The following NCKAP5 variants were observed in gnomAD, a reference collection of about 807,000 sequenced individuals.
NCKAP5 encodes the protein nck-associated protein 5.
In NCKAP5, 92 loss-of-function variants were observed where a neutral mutation model predicts 167.0. The ratio of observed to expected loss-of-function variants is 0.55; its 90% CI spans 0.47 to 0.66. The LOEUF is 0.66. Ranked by LOEUF, NCKAP5 falls within the 30% of genes least tolerant of loss-of-function variation. The pLI is 0.00. For synonymous variants in NCKAP5, 891 were observed against 877.4 expected, an observed-to-expected ratio of 1.02 and a Z score of -0.27; for missense variants, 2,378 against 2,315.0, an observed-to-expected ratio of 1.03 and a Z score of -0.56.
At chr2:133,284,909 C>T (rs938516713) in intron 4 of NCKAP5, 2 of 152,210 alleles carry the variant, frequency 1.3e-5, no homozygotes, top group African/African-American at 4.8e-5. Flanking sequence ...AAAATCTCTT[C>T]TCACTGCATT....
At chr2:132,674,147 C>T (rs938416793) in intron 19 of NCKAP5, among the ~76,000 whole-genome samples, 1 of 152,186 alleles carries the variant, frequency 6.6e-6, no homozygotes, top group East Asian at 1.9e-4. Flanking sequence ...TACAATATTT[C>T]TCATCTTCTT....
chr2:133,034,598 C>A (rs1173952102), intron 6 of NCKAP5, among the ~76,000 whole-genome samples: 1 of 151,636 alleles, frequency 6.6e-6, no homozygotes, highest in South Asian at 2.1e-4. Context: ...TAAATAGAAA[C>A]AAAAAAATTA....
In NCKAP5 at chr2:133,201,833, C is replaced by A. The variant is rs994489417; in HGVS notation, c.207+11883G>T. Among the ~76,000 whole-genome samples the A allele has an allele frequency of 2.0e-5, 3 of 151,866 alleles. 1 individual carries two copies. The highest frequency in any genetic ancestry group is 4.2e-4 in the South Asian group (2 of 4,792). ...CCACAAGAGGAACTAGGAGATTCTG[C>A]GCTTAAGAAAGTTGAAGGAGAACTA... On this transcript the variant is annotated intron_variant, in intron 5 of 19. Transcript: ENST00000409261.
rs189740064 is a variant in NCKAP5 at position 133,352,118 on chromosome 2, C to T, written c.70-49008G>A. ...CGTCACCTCTCTCCTTCAGGTATTCCCTCAATGGAGACCCTGTCACCATCA... is the reference window on the plus strand; with the variant it reads ...CGTCACCTCTCTCCTTCAGGTATTCTCTCAATGGAGACCCTGTCACCATCA... On this transcript the variant is annotated intron_variant, in intron 3 of 19. Coordinates refer to ENST00000409261, the MANE Select transcript of NCKAP5 (RefSeq NM_207363.3). Among the ~76,000 whole-genome samples, 339 of 152,258 alleles carry T rather than the reference C, an allele frequency of 2.2e-3. 1 individual carries two copies. The highest frequency in any genetic ancestry group is 4.1e-3 in the Non-Finnish European group (280 of 68,024).
chr2:132,686,182 T>A (rs1439318749), intron 19 of NCKAP5, among the ~76,000 whole-genome samples: 2 of 152,070 alleles, frequency 1.3e-5, no homozygotes, highest in East Asian at 3.9e-4. Flanking sequence ...GGAGAAAAAG[T>A]CAGTAGCATG....
chr2:132,918,445 G>A (rs932398108), intron 8 of NCKAP5, among the ~76,000 whole-genome samples: 38 of 152,128 alleles, frequency 2.5e-4, no homozygotes, highest in Admixed American at 1.8e-3. Context: ...GACATAGATC[G>A]TAGGGTTTGT....
chr2:133,126,988 GA>G (rs1310225344), intron 6 of NCKAP5, among the ~76,000 whole-genome samples: 1 of 151,838 alleles, frequency 6.6e-6, no homozygotes, highest in African/African-American at 2.4e-5. Context: ...CTCAGCCCAT[GA>G]ACAATGTTCA....
At chr2:133,559,645 A>G (rs574218414) in intron 1 of NCKAP5, among the ~76,000 whole-genome samples, 1 of 152,166 alleles carries the variant, frequency 6.6e-6, no homozygotes, top group Non-Finnish European at 1.5e-5. Flanking sequence ...CATTTTATGG[A>G]TGGGGAAATC....
chr2:132,796,067 T>C (rs1684581252), intron 12 of NCKAP5, among the ~76,000 whole-genome samples: 1 of 152,162 alleles, frequency 6.6e-6, no homozygotes, highest in Admixed American at 6.5e-5. Context: ...AATTATTCAG[T>C]AAAATAAAAA....
intron 11 of NCKAP5, among the ~76,000 whole-genome samples, chr2:132,822,439 T>C (rs1686820174): frequency 6.6e-6 from 1 of 152,072 alleles, no homozygotes; most frequent in Non-Finnish European, 1.5e-5. Context: ...GCTGCATGGA[T>C]AGACCCAGAA....
intron 7 of NCKAP5, among the ~76,000 whole-genome samples, chr2:132,986,828 T>A: frequency 6.6e-6 from 1 of 152,096 alleles, no homozygotes. Flanking sequence ...CTGACAGCAA[T>A]AACTTAAGCA....
intron 3 of NCKAP5, among the ~76,000 whole-genome samples, chr2:133,356,513 GA>G (rs1684727463): frequency 6.6e-6 from 1 of 152,206 alleles, no homozygotes; most frequent in Admixed American, 6.5e-5. Flanking sequence ...GCATGATGTT[GA>G]AAACTGAACT....
chr2:133,429,406 A>T (rs1690015474), intron 3 of NCKAP5, among the ~76,000 whole-genome samples: 1 of 152,002 alleles, frequency 6.6e-6, no homozygotes, highest in African/African-American at 2.4e-5. Flanking sequence ...TATCACCCCA[A>T]TAGTGAATAT....
At chr2:132,707,647 A>G (rs1444377072) in intron 19 of NCKAP5, among the ~76,000 whole-genome samples, 1 of 152,176 alleles carries the variant, frequency 6.6e-6, no homozygotes, top group Non-Finnish European at 1.5e-5. Context: ...GGCACTGGTG[A>G]TGTAAGCGTG....
chr2:133,382,973 T>C (rs1021241106), intron 3 of NCKAP5, among the ~76,000 whole-genome samples: 3 of 152,220 alleles, frequency 2.0e-5, no homozygotes, highest in Non-Finnish European at 4.4e-5. Context: ...AAAAGCCTTG[T>C]ATTTAAGCAT....
Position 133,140,192 on chromosome 2 carries a change from T to C in NCKAP5, c.208-10081A>G, listed in dbSNP as rs569461343. Among the ~76,000 whole-genome samples, 11 of 152,324 alleles carry C rather than the reference T, an allele frequency of 7.2e-5. No individual in the cohort carries two copies. In the East Asian group the frequency reaches 2.1e-3, roughly 29 times the overall value. On this transcript the variant is annotated intron_variant, in intron 5 of 19. Transcript: ENST00000409261. ...AAGTTGATTTTATTAAATGCCTTCA[T>C]ACTTGACTGAAGTCTTAAACATTGT...
intron 2 of NCKAP5, among the ~76,000 whole-genome samples, chr2:133,546,659 AAAAAC>A (rs751766870): frequency 9.2e-5 from 14 of 152,274 alleles, no homozygotes; most frequent in Middle Eastern, 3.4e-3. Flanking sequence ...ACCAGCAGGC[AAAAAC>A]AAAACAAAAC....
intron 4 of NCKAP5, among the ~76,000 whole-genome samples, chr2:133,252,221 C>T (rs1437241894): frequency 6.6e-6 from 1 of 152,058 alleles, no homozygotes; most frequent in African/African-American, 2.4e-5. Flanking sequence ...GGGAGAGGTG[C>T]TTATTATCAA....
intron 19 of NCKAP5, among the ~76,000 whole-genome samples, chr2:132,693,145 A>T (rs1686941312): frequency 6.6e-6 from 1 of 152,166 alleles, no homozygotes; most frequent in East Asian, 1.9e-4. Context: ...AAATTCATTC[A>T]TTTCTCTATC....
Sources: gnomAD v4.1 joint callset for allele counts (sites outside exome capture counted in the v4.1 genomes callset) on GRCh38, gnomAD v4.1.1 for gene constraint, MANE v1.5 for transcripts, NCBI Gene and HGNC (gene_info 2026-07-23, HGNC 2026-07-21) for gene names.